The following ST6GALNAC3 variants were observed in gnomAD, a reference collection of about 807,000 sequenced individuals.
ST6GALNAC3 encodes alpha-N-acetylgalactosaminide alpha-2,6-sialyltransferase 3.
ST6GALNAC3 carries 25 observed loss-of-function variants against 32.7 expected under a neutral mutation model. The observed-to-expected ratio is 0.76, with a 90% confidence interval of 0.56 to 1.07. The LOEUF (loss-of-function observed/expected upper bound fraction) is 1.07. ST6GALNAC3 is among the 50% of genes least tolerant of loss of function. The probability of loss-of-function intolerance (pLI) is 0.00; values close to 1 mark genes in which losing one functional copy is unlikely to be tolerated. For synonymous variants in ST6GALNAC3, 129 were observed against 133.1 expected (o/e 0.97, Z 0.21); for missense variants, 355 against 382.4 (o/e 0.93, Z 0.60).
At chr1:76,616,373 T>C (rs1232028482) in intron 3 of ST6GALNAC3, among the ~76,000 whole-genome samples, 1 of 152,224 alleles carries the variant, frequency 6.6e-6, no homozygotes, top group South Asian at 2.1e-4. Flanking sequence ...CATTCTACCT[T>C]AATGGGCAAT....
At chr1:76,482,886 C>T (rs1659827006) in intron 3 of ST6GALNAC3, among the ~76,000 whole-genome samples, 1 of 134,254 alleles carries the variant, frequency 7.4e-6, no homozygotes, top group African/African-American at 2.7e-5. Flanking sequence ...TCCCCCCACC[C>T]CACCAGAGGC....
chr1:76,212,236 T>C (rs1655208821), intron 1 of ST6GALNAC3, among the ~76,000 whole-genome samples: 1 of 152,206 alleles, frequency 6.6e-6, no homozygotes, highest in Admixed American at 6.5e-5. Flanking sequence ...TTCCTAATTG[T>C]TATTTCCAAA....
At chr1:76,184,600 G>C (rs1302520690) in intron 1 of ST6GALNAC3, among the ~76,000 whole-genome samples, 1 of 151,272 alleles carries the variant, frequency 6.6e-6, no homozygotes, top group East Asian at 2.0e-4. Flanking sequence ...TAGCTCTTCA[G>C]AGTTTGCCCG....
intron 3 of ST6GALNAC3, among the ~76,000 whole-genome samples, chr1:76,445,261 TC>T (rs1445612385): frequency 6.6e-6 from 1 of 152,126 alleles, no homozygotes; most frequent in African/African-American, 2.4e-5. Context: ...GGAAGTGTAG[TC>T]CCAGATCAGC....
intron 3 of ST6GALNAC3, among the ~76,000 whole-genome samples, chr1:76,484,133 C>T (rs1188258468): frequency 6.6e-6 from 1 of 151,372 alleles, no homozygotes; most frequent in Non-Finnish European, 1.5e-5. Flanking sequence ...AGCCTTGTAG[C>T]AGAGTTTGAA....
intron 3 of ST6GALNAC3, among the ~76,000 whole-genome samples, chr1:76,418,947 G>T (rs923643561): frequency 1.3e-5 from 2 of 149,460 alleles, no homozygotes; most frequent in African/African-American, 4.9e-5. Context: ...AAAAAAAAAA[G>T]GAACGATCTA....
At chr1:76,148,139 A>G (rs995414946) in intron 1 of ST6GALNAC3, among the ~76,000 whole-genome samples, 25 of 152,170 alleles carry the variant, frequency 1.6e-4, no homozygotes, top group African/African-American at 6.0e-4. Flanking sequence ...AGTAACCCCC[A>G]CGTGTGCCTC....
intron 3 of ST6GALNAC3, among the ~76,000 whole-genome samples, chr1:76,425,535 TGG>T (rs1195040177): frequency 6.6e-6 from 1 of 151,928 alleles, no homozygotes; most frequent in Admixed American, 6.6e-5. Context: ...GTTCTAGATG[TGG>T]GGAATCCACT....
chr1:76,252,220 A>T (rs1657661260), intron 1 of ST6GALNAC3, among the ~76,000 whole-genome samples: 1 of 152,106 alleles, frequency 6.6e-6, no homozygotes, highest in South Asian at 2.1e-4. Context: ...TGTAATAGTC[A>T]CTTGGACACT....
intron 2 of ST6GALNAC3, among the ~76,000 whole-genome samples, chr1:76,317,692 A>G (rs1446332596): frequency 2.6e-5 from 4 of 152,108 alleles, no homozygotes; most frequent in Admixed American, 2.6e-4. Context: ...GCATCTGCAA[A>G]CACCATGGCT....
At chr1:76,133,822 G>A (rs1193939203) in intron 1 of ST6GALNAC3, among the ~76,000 whole-genome samples, 2 of 152,190 alleles carry the variant, frequency 1.3e-5, no homozygotes, top group South Asian at 4.1e-4. Context: ...CAGGTTTGGA[G>A]TCACCAAGAA....
At chr1:76,318,572 C>T (rs754572865) in intron 2 of ST6GALNAC3, among the ~76,000 whole-genome samples, 2 of 152,112 alleles carry the variant, frequency 1.3e-5, no homozygotes, top group Non-Finnish European at 2.9e-5. Context: ...CCTGCCCTCG[C>T]CTCCCTGCTG....
chr1:76,124,678 TTTCTTTATG>T (rs1463630587), intron 1 of ST6GALNAC3, among the ~76,000 whole-genome samples: 1 of 152,216 alleles, frequency 6.6e-6, no homozygotes, highest in East Asian at 1.9e-4. Context: ...TGTCCCAGTC[TTTCTTTATG>T]TGGATTTGAT....
intron 1 of ST6GALNAC3, among the ~76,000 whole-genome samples, chr1:76,202,142 A>G (rs1396881095): frequency 1.3e-5 from 2 of 152,076 alleles, no homozygotes; most frequent in Non-Finnish European, 2.9e-5. Context: ...AAACAAAACC[A>G]TGAATACATC....
intron 1 of ST6GALNAC3, among the ~76,000 whole-genome samples, chr1:76,243,764 A>T (rs1410594057): frequency 2.0e-5 from 3 of 151,986 alleles, no homozygotes; most frequent in Non-Finnish European, 4.4e-5. Flanking sequence ...ATGGTTGTAG[A>T]TGTGTGGTGT....
intron 2 of ST6GALNAC3, among the ~76,000 whole-genome samples, chr1:76,331,228 A>G (rs988269764): frequency 5.3e-5 from 8 of 152,208 alleles, no homozygotes; most frequent in African/African-American, 1.9e-4. Context: ...TGATGTCTTA[A>G]GAAAGATTAT....
chr1:76,520,406 A>G (rs1662447604), intron 3 of ST6GALNAC3, among the ~76,000 whole-genome samples: 1 of 152,168 alleles, frequency 6.6e-6, no homozygotes, highest in Non-Finnish European at 1.5e-5. Flanking sequence ...TAATCCTAGA[A>G]GCAAACATTG....
At chr1:76,115,356 G>A (rs1234095757) in intron 1 of ST6GALNAC3, among the ~76,000 whole-genome samples, 3 of 152,122 alleles carry the variant, frequency 2.0e-5, no homozygotes, top group Non-Finnish European at 4.4e-5. Flanking sequence ...ACTGATTTGG[G>A]TAGCTGTAAT....
chr1:76,237,194 C>T (rs981546968), intron 1 of ST6GALNAC3, among the ~76,000 whole-genome samples: 6 of 152,204 alleles, frequency 3.9e-5, no homozygotes, highest in African/African-American at 1.4e-4. Flanking sequence ...AGTGCAGTGG[C>T]ACAATCTTTG....
Sources: allele counts gnomAD v4.1 joint callset (sites outside exome capture counted in the v4.1 genomes callset), GRCh38; gene constraint gnomAD v4.1.1; transcripts MANE v1.5; gene names NCBI Gene and HGNC (gene_info 2026-07-23, HGNC 2026-07-21).